ULK4: variants seen among roughly 807,000 people sequenced by gnomAD.
The protein encoded by ULK4 is unc-51 like kinase 4.
ULK4 carries 133 observed loss-of-function variants against 160.6 expected under a neutral mutation model. The observed-to-expected ratio is 0.83, with a 90% CI of 0.72 to 0.96. The LOEUF is 0.96. Among genes scored for constraint, ULK4 ranks in the 40% least tolerant of loss-of-function variants. The pLI is 0.00. For missense variants in ULK4, 1,580 were observed against 1,499.5 expected (o/e 1.05, Z -0.89); for synonymous variants, 534 against 539.8 (o/e 0.99, Z 0.15).
chr3:41,733,981 C>A (rs537732561), intron 22 of ULK4, among the ~76,000 whole-genome samples: 2 of 152,066 alleles, frequency 1.3e-5, no homozygotes, highest in Non-Finnish European at 1.5e-5. Context: ...AGGTGATCCA[C>A]CTGCCTTGGC....
chr3:41,523,908 A>C (rs1365006188), intron 32 of ULK4, among the ~76,000 whole-genome samples: 1 of 152,224 alleles, frequency 6.6e-6, no homozygotes, highest in African/African-American at 2.4e-5. Flanking sequence ...GATAAACAAA[A>C]TGTAGTATAT....
chr3:41,957,686 C>T (rs1443786631), intron 1 of ULK4, among the ~76,000 whole-genome samples: 1 of 150,840 alleles, frequency 6.6e-6, no homozygotes, highest in Non-Finnish European at 1.5e-5. Context: ...GTACTCCAGC[C>T]TGGACAACAG....
At chr3:41,398,050 C>T in intron 35 of ULK4, 29 bp downstream of exon 35, 1 of 1,592,784 alleles carries the variant, frequency 6.3e-7, no homozygotes, top group Non-Finnish European at 8.6e-7. Flanking sequence ...AAGCCACCCA[C>T]AGTGTCCCCG....
intron 33 of ULK4, 71 bp downstream of exon 33, chr3:41,463,015 GA>G (rs979648217): frequency 2.0e-6 from 3 of 1,507,004 alleles, no homozygotes; most frequent in African/African-American, 2.8e-5. Flanking sequence ...AGGAAGATAA[GA>G]AAGAAGAGAA....
intron 32 of ULK4, among the ~76,000 whole-genome samples, chr3:41,564,053 T>C (rs1479670315): frequency 2.6e-5 from 4 of 152,092 alleles, no homozygotes; most frequent in African/African-American, 9.7e-5. Flanking sequence ...TTGGTGTAGA[T>C]GTCCTTCTTG....
chr3:41,414,123 C>G (rs1272678485), intron 34 of ULK4, among the ~76,000 whole-genome samples: 1 of 152,204 alleles, frequency 6.6e-6, no homozygotes, highest in Non-Finnish European at 1.5e-5. Flanking sequence ...ATCGCTTGAA[C>G]CTGGGAGGCG....
intron 17 of ULK4, among the ~76,000 whole-genome samples, chr3:41,851,955 C>T (rs1276724036): frequency 2.0e-5 from 3 of 151,982 alleles, no homozygotes; most frequent in African/African-American, 4.8e-5. Context: ...TCAACGAATC[C>T]AGGAGCTGGT....
At chr3:41,548,713 T>C (rs1270629226) in intron 32 of ULK4, among the ~76,000 whole-genome samples, 1 of 138,914 alleles carries the variant, frequency 7.2e-6, no homozygotes, top group Non-Finnish European at 1.6e-5. Flanking sequence ...AAGCCATCTT[T>C]AGGGCCATAA....
chr3:41,307,799 T>G (rs1447224578), intron 35 of ULK4, among the ~76,000 whole-genome samples: 1 of 152,064 alleles, frequency 6.6e-6, no homozygotes, highest in Non-Finnish European at 1.5e-5. Flanking sequence ...CACTGCACTC[T>G]AGCCTGGGTG....
intron 17 of ULK4, among the ~76,000 whole-genome samples, chr3:41,851,072 T>C (rs2042201659): frequency 6.6e-6 from 1 of 152,242 alleles, no homozygotes; most frequent in African/African-American, 2.4e-5. Context: ...CTTTATTTCT[T>C]TCTCCTGCCT....
At chr3:41,499,757 A>G (rs559059693) in intron 32 of ULK4, among the ~76,000 whole-genome samples, 1 of 152,206 alleles carries the variant, frequency 6.6e-6, no homozygotes, top group Non-Finnish European at 1.5e-5. Context: ...TGGGGTTAAA[A>G]ATGAGGTTGT....
intron 27 of ULK4, among the ~76,000 whole-genome samples, chr3:41,690,337 T>C (rs2036253991): frequency 6.6e-6 from 1 of 151,366 alleles, no homozygotes; most frequent in Non-Finnish European, 1.5e-5. Context: ...ATATACCTAA[T>C]GCTAAATGAC....
At chr3:41,366,194 C>T (rs1197712465) in intron 35 of ULK4, among the ~76,000 whole-genome samples, 1 of 152,182 alleles carries the variant, frequency 6.6e-6, no homozygotes, top group African/African-American at 2.4e-5. Flanking sequence ...GGAATCCCAG[C>T]CAAAGGGCTT....
At chr3:41,558,042 A>ATGT (rs2087369296) in intron 32 of ULK4, among the ~76,000 whole-genome samples, 1 of 152,144 alleles carries the variant, frequency 6.6e-6, no homozygotes, top group Non-Finnish European at 1.5e-5. Flanking sequence ...CATTACTTAG[A>ATGT]GCAGCTTCTC....
intron 32 of ULK4, among the ~76,000 whole-genome samples, chr3:41,563,686 C>T (rs753460028): frequency 5.9e-5 from 9 of 152,136 alleles, no homozygotes; most frequent in African/African-American, 1.4e-4. Flanking sequence ...ACGAAGTTCT[C>T]GTGCCATGGT....
chr3:41,406,348 C>G (rs1200067783), intron 34 of ULK4, among the ~76,000 whole-genome samples: 4 of 152,128 alleles, frequency 2.6e-5, no homozygotes, highest in Admixed American at 6.5e-5. Context: ...TCTAACAGTA[C>G]CATGCTGTTT....
In ULK4 at chr3:41,738,945, A is replaced by T. The variant is rs556292103; in HGVS notation, c.2321+15416T>A. On this transcript the variant is annotated intron_variant, in intron 22 of 36. Transcript: ENST00000301831. Reference sequence around the variant, plus strand: ...CTAGTACTACTTGAACCCCTACAGCAAATGGAGCCCCAGGGAAGCATCAAT... The same window carrying T: ...CTAGTACTACTTGAACCCCTACAGCTAATGGAGCCCCAGGGAAGCATCAAT... Among the ~76,000 whole-genome samples, 10 of 152,044 alleles carry T rather than the reference A, an allele frequency of 6.6e-5. No homozygotes were observed. In the East Asian group the frequency reaches 1.9e-3, roughly 29 times the overall value.
chr3:41,323,347 A>G (rs904112402), intron 35 of ULK4, among the ~76,000 whole-genome samples: 2 of 147,960 alleles, frequency 1.4e-5, no homozygotes, highest in African/African-American at 5.0e-5. Flanking sequence ...TGAATATTGA[A>G]GGGGAAGGAA....
chr3:41,302,562 T>A (rs144135483), intron 35 of ULK4, among the ~76,000 whole-genome samples: 198 of 152,348 alleles, frequency 1.3e-3, no homozygotes, highest in African/African-American at 4.5e-3. Flanking sequence ...AAACTCCGCA[T>A]GTTGTAATGA....
Sources: gnomAD v4.1 joint callset for allele counts (sites outside exome capture counted in the v4.1 genomes callset) on GRCh38, gnomAD v4.1.1 for gene constraint, MANE v1.5 for transcripts, NCBI Gene and HGNC (gene_info 2026-07-23, HGNC 2026-07-21) for gene names.